Variants in BCKDHB observed in about 807,000 individuals in gnomAD.
BCKDHB encodes the protein 2-oxoisovalerate dehydrogenase subunit beta, mitochondrial.
In BCKDHB, 41 loss-of-function variants were observed where a neutral mutation model predicts 48.5. That is an observed-to-expected ratio of 0.85 (90% CI 0.66 to 1.10). The LOEUF (loss-of-function observed/expected upper bound fraction) is 1.10. Ranked by LOEUF, BCKDHB falls within the 50% of genes least tolerant of loss-of-function variation. BCKDHB has a pLI of 0.00. For synonymous variants in BCKDHB, 201 were observed against 174.8 expected, an observed-to-expected ratio of 1.15 and a Z score of -1.18; for missense variants, 496 against 494.2, an observed-to-expected ratio of 1.00 and a Z score of -0.03.
At chr6:80,164,406 T>C (rs1772474139) in intron 3 of BCKDHB, among the ~76,000 whole-genome samples, 1 of 152,362 alleles carries the variant, frequency 6.6e-6, no homozygotes, top group African/African-American at 2.4e-5. Flanking sequence ...TTAAACCCTT[T>C]GCTTAACTGT....
intron 9 of BCKDHB, among the ~76,000 whole-genome samples, chr6:80,287,840 A>G (rs1361623948): frequency 2.0e-5 from 3 of 152,208 alleles, no homozygotes; most frequent in Admixed American, 1.3e-4. Context: ...TGCACAAAAC[A>G]TGGGTCAGAG....
chr6:80,337,121 G>C (rs1383833432), intron 9 of BCKDHB, among the ~76,000 whole-genome samples: 1 of 152,102 alleles, frequency 6.6e-6, no homozygotes, highest in Non-Finnish European at 1.5e-5. Flanking sequence ...TGCTGAGAAA[G>C]TGTGATTCAA....
At chr6:80,192,148 GAATAA>G (rs951940928) in intron 6 of BCKDHB, among the ~76,000 whole-genome samples, 34 of 152,102 alleles carry the variant, frequency 2.2e-4, no homozygotes, top group African/African-American at 8.2e-4. Context: ...CTTTCAATAA[GAATAA>G]AATAAAAGTT....
At chr6:80,171,426 T>A in intron 6 of BCKDHB, 36 bp downstream of exon 6, 1 of 1,260,112 alleles carries the variant, frequency 7.9e-7, no homozygotes, top group Non-Finnish European at 1.1e-6. Context: ...TGTGAATATC[T>A]TTATATACTT....
At chr6:80,377,350 A>T in the BCKDHB span, among the ~76,000 whole-genome samples, 3 of 152,010 alleles carry the variant, frequency 2.0e-5, no homozygotes, top group Non-Finnish European at 2.9e-5. Context: ...CCTGATTTTT[A>T]TGAAGTCCAA....
chr6:80,198,570 A>G (rs982951068), intron 6 of BCKDHB, among the ~76,000 whole-genome samples: 1 of 152,234 alleles, frequency 6.6e-6, no homozygotes, highest in African/African-American at 2.4e-5. Flanking sequence ...TCTATCACCC[A>G]TAAAGCACCC....
the BCKDHB span, among the ~76,000 whole-genome samples, chr6:80,397,947 A>G: frequency 6.6e-6 from 1 of 152,186 alleles, no homozygotes; most frequent in Non-Finnish European, 1.5e-5. Context: ...ATGCAAGTAC[A>G]TGGAAGTTAA....
the BCKDHB span, among the ~76,000 whole-genome samples, chr6:80,377,906 T>C: frequency 6.6e-6 from 1 of 152,188 alleles, no homozygotes; most frequent in Non-Finnish European, 1.5e-5. Flanking sequence ...TATAGATCAA[T>C]TTGGAAAGTA....
At chr6:80,316,837 G>T (rs1768472963) in intron 9 of BCKDHB, among the ~76,000 whole-genome samples, 2 of 152,160 alleles carry the variant, frequency 1.3e-5, no homozygotes, top group Non-Finnish European at 2.9e-5. Context: ...GCAGTGGAGG[G>T]CAGAAGCTAT....
At chr6:80,363,492 G>A in the BCKDHB span, among the ~76,000 whole-genome samples, 2 of 151,936 alleles carry the variant, frequency 1.3e-5, no homozygotes, top group Non-Finnish European at 2.9e-5. Context: ...TGAGTCTTTG[G>A]GTGCAACTTT....
the BCKDHB span, among the ~76,000 whole-genome samples, chr6:80,365,230 A>G: frequency 6.6e-6 from 1 of 152,218 alleles, no homozygotes; most frequent in Admixed American, 6.5e-5. Context: ...TCAGTGGTGC[A>G]TGTATTGTCT....
chr6:80,129,325 C>T lies in BCKDHB; in HGVS notation c.343+96C>T, dbSNP rs118066087. ...GCCTACTAAATTTTTTGTCATATCC[C>T]CATTGTATGGATGAATTCCTTTTCA... On this transcript the variant is annotated intron_variant, in intron 3 of 9. Transcript: ENST00000320393. 7.7e-4 allele frequency: 758 copies of T among 983,644 alleles called. 6 individuals are homozygous for T. In the East Asian group the frequency reaches 0.017, roughly 22 times the overall value. 60.9% of individuals were successfully genotyped at this position (983,644 alleles called of 1,614,324 possible). A position where few individuals can be genotyped will look rare whatever the true frequency, so the allele number is the denominator to read the frequency against.
At chr6:80,369,372 A>G in the BCKDHB span, among the ~76,000 whole-genome samples, 1 of 152,188 alleles carries the variant, frequency 6.6e-6, no homozygotes, top group African/African-American at 2.4e-5. Context: ...TCGCATTTCC[A>G]GTTTAGACTG....
At chr6:80,347,013 AAG>A (rs568930054), downstream of BCKDHB, among the ~76,000 whole-genome samples, 1,112 of 152,120 alleles carry the variant, frequency 7.3e-3, 13 homozygotes, top group African/African-American at 0.025. Context: ...GAAAAAAAAA[AAG>A]AACACTTTTC....
intron 9 of BCKDHB, among the ~76,000 whole-genome samples, chr6:80,288,593 G>C (rs891985577): frequency 6.6e-6 from 1 of 151,940 alleles, no homozygotes; most frequent in Non-Finnish European, 1.5e-5. Context: ...AAAGAAACTG[G>C]AATAATGAGT....
intron 3 of BCKDHB, among the ~76,000 whole-genome samples, chr6:80,153,902 T>TC (rs1378667375): frequency 6.6e-6 from 1 of 152,206 alleles, no homozygotes; most frequent in East Asian, 1.9e-4. Flanking sequence ...AGCACTGTAG[T>TC]AACTTGCTTA....
intron 6 of BCKDHB, among the ~76,000 whole-genome samples, chr6:80,193,563 T>TA (rs550378582): frequency 2.6e-4 from 39 of 151,600 alleles, no homozygotes; most frequent in Admixed American, 1.7e-3. Flanking sequence ...TACTAAAAAA[T>TA]AAAAAAACTA....
At chr6:80,201,611 A>C (rs1331653628) in intron 7 of BCKDHB, among the ~76,000 whole-genome samples, 1 of 152,096 alleles carries the variant, frequency 6.6e-6, no homozygotes. Context: ...GCCATCTCTC[A>C]TCATTACTTT....
At chr6:80,292,871 CAA>C (rs1767005365) in intron 9 of BCKDHB, among the ~76,000 whole-genome samples, 1 of 152,224 alleles carries the variant, frequency 6.6e-6, no homozygotes, top group East Asian at 1.9e-4. Context: ...AATGCCCATA[CAA>C]GACTGAAATC....
Sources: allele counts gnomAD v4.1 joint callset (sites outside exome capture counted in the v4.1 genomes callset), GRCh38; gene constraint gnomAD v4.1.1; transcripts MANE v1.5; gene names NCBI Gene and HGNC (gene_info 2026-07-23, HGNC 2026-07-21).